Variants in WDPCP observed in about 807,000 individuals in gnomAD.
WDPCP encodes WD repeat containing planar cell polarity effector.
Under a neutral mutation model 93.1 loss-of-function variants are expected in WDPCP, and 71 were observed. The ratio of observed to expected loss-of-function variants is 0.76; its 90% CI spans 0.63 to 0.93. The LOEUF (loss-of-function observed/expected upper bound fraction) is 0.93, where lower values mean the gene tolerates loss of function less well. Among genes scored for constraint, WDPCP ranks in the 40% least tolerant of loss-of-function variants. The pLI is 0.00. For synonymous variants in WDPCP, 315 were observed against 315.0 expected (o/e 1.00, Z 0.00); for missense variants, 844 against 887.4 (o/e 0.95, Z 0.62).
At chr2:63,359,735 A>ACTGG in intron 12 of WDPCP, 1 of 152,336 alleles carries the variant, frequency 6.6e-6, no homozygotes. Flanking sequence ...ATAGCCCCAA[A>ACTGG]CTGGCCACAA....
intron 1 of WDPCP, among the ~76,000 whole-genome samples, chr2:63,501,474 G>A (rs2106010250): frequency 6.6e-6 from 1 of 152,324 alleles, no homozygotes; most frequent in East Asian, 1.9e-4. Context: ...GCTGACAGAG[G>A]AGGATGGCTC....
rs548764937 is a variant in WDPCP at position 63,754,553 on chromosome 2, G to T, written n.308+59069C>A. Among the ~76,000 whole-genome samples the T allele has an allele frequency of 7.2e-5, 11 of 152,188 alleles. No individual in the cohort carries two copies. In the South Asian group the frequency reaches 1.0e-3, roughly 14 times the overall value. On this transcript the variant is annotated intron_variant and non_coding_transcript_variant, in intron 2 of 4. Transcript: ENST00000467687. ...AAGGAAGAAATAGAATACAAAGTTG[G>T]TGTATTTGTTAGGGCTGGCTATATT...
At chr2:63,645,662 T>G (rs1710039133) in intron 3 of WDPCP, among the ~76,000 whole-genome samples, 1 of 152,216 alleles carries the variant, frequency 6.6e-6, no homozygotes, top group South Asian at 2.1e-4. Flanking sequence ...CTAATAATAT[T>G]TGCTTTATAT....
intron 12 of WDPCP, among the ~76,000 whole-genome samples, chr2:63,367,500 C>T (rs559315067): frequency 9.9e-5 from 15 of 152,160 alleles, no homozygotes; most frequent in African/African-American, 3.4e-4. Context: ...ATGTTTTATA[C>T]ACACACAAAT....
intron 1 of WDPCP, among the ~76,000 whole-genome samples, chr2:63,579,387 A>T (rs565169301): frequency 6.6e-6 from 1 of 152,288 alleles, no homozygotes; most frequent in South Asian, 2.1e-4. Context: ...AGGTGGGTGG[A>T]TCACTGGAGG....
chr2:63,821,406 A>T (rs948371270), intron 1 of WDPCP, among the ~76,000 whole-genome samples: 1 of 152,216 alleles, frequency 6.6e-6, no homozygotes, highest in African/African-American at 2.4e-5. Context: ...TAAGATTTAC[A>T]AGTATCACTG....
At chr2:63,697,675 T>A (rs1668978502) in intron 2 of WDPCP, among the ~76,000 whole-genome samples, 1 of 152,142 alleles carries the variant, frequency 6.6e-6, no homozygotes, top group Non-Finnish European at 1.5e-5. Context: ...TGAAACAGAG[T>A]CTCACTCTGT....
intron 2 of WDPCP, among the ~76,000 whole-genome samples, chr2:63,796,944 T>C (rs1282614211): frequency 2.0e-5 from 3 of 152,098 alleles, no homozygotes; most frequent in African/African-American, 7.2e-5. Context: ...GATTCTTTCC[T>C]TCTGCTTGAG....
chr2:63,740,288 A>G (rs542827750), intron 2 of WDPCP, among the ~76,000 whole-genome samples: 1 of 152,234 alleles, frequency 6.6e-6, no homozygotes, highest in Admixed American at 6.5e-5. Flanking sequence ...GATTGTGCCA[A>G]TTTATACTTC....
intron 9 of WDPCP, among the ~76,000 whole-genome samples, chr2:63,412,532 C>G (rs1006697839): frequency 6.6e-6 from 1 of 152,126 alleles, no homozygotes; most frequent in Admixed American, 6.6e-5. Flanking sequence ...CTAGCCAGAG[C>G]AGTCAGACAA....
intron 1 of WDPCP, among the ~76,000 whole-genome samples, chr2:63,522,451 GACAGACACAC>G (rs1371995551): frequency 2.8e-4 from 26 of 92,078 alleles, no homozygotes; most frequent in East Asian, 8.1e-4. Flanking sequence ...CAGACAGACA[GACAGACACAC>G]ACACACACAC....
intron 12 of WDPCP, among the ~76,000 whole-genome samples, chr2:63,359,006 T>A (rs1189484718): frequency 6.6e-6 from 1 of 152,150 alleles, no homozygotes; most frequent in African/African-American, 2.4e-5. Flanking sequence ...CCCTTACTTA[T>A]CCGCTTTCTT....
intron 12 of WDPCP, among the ~76,000 whole-genome samples, chr2:63,362,846 A>C (rs1575230555): frequency 6.6e-6 from 1 of 152,210 alleles, no homozygotes; most frequent in African/African-American, 2.4e-5. Flanking sequence ...AAGTATGATA[A>C]AATGTTTTAT....
chr2:63,761,489 A>G (rs1380777272), intron 2 of WDPCP, among the ~76,000 whole-genome samples: 3 of 152,150 alleles, frequency 2.0e-5, no homozygotes, highest in Admixed American at 6.5e-5. Context: ...TATATAATAT[A>G]TATGAGAGTT....
At chr2:63,152,229 TTA>T (rs943313805) in intron 17 of WDPCP, among the ~76,000 whole-genome samples, 1 of 152,016 alleles carries the variant, frequency 6.6e-6, no homozygotes, top group Non-Finnish European at 1.5e-5. Flanking sequence ...AACTGCTGTA[TTA>T]CCCGCTACCC....
chr2:63,451,019 T>C (rs1395754141), intron 6 of WDPCP, among the ~76,000 whole-genome samples: 2 of 151,722 alleles, frequency 1.3e-5, no homozygotes, highest in African/African-American at 4.8e-5. Flanking sequence ...TTCAAGAATT[T>C]CCAGAAAAAG....
At chr2:63,167,669 C>A (rs974435837) in intron 15 of WDPCP, among the ~76,000 whole-genome samples, 1 of 151,934 alleles carries the variant, frequency 6.6e-6, no homozygotes, top group Non-Finnish European at 1.5e-5. Flanking sequence ...AGTAACATAC[C>A]TTTTTTGTAA....
intron 9 of WDPCP, among the ~76,000 whole-genome samples, chr2:63,421,274 A>G (rs1695837854): frequency 6.6e-6 from 1 of 152,174 alleles, no homozygotes; most frequent in African/African-American, 2.4e-5. Flanking sequence ...AAGTATAAGC[A>G]TTTTCTTATG....
intron 1 of WDPCP, among the ~76,000 whole-genome samples, chr2:63,585,567 A>G (rs1406100494): frequency 2.0e-5 from 3 of 152,152 alleles, no homozygotes; most frequent in Non-Finnish European, 4.4e-5. Context: ...TACTAAATAC[A>G]TGATCCTATG....
Sources: allele counts gnomAD v4.1 joint callset (sites outside exome capture counted in the v4.1 genomes callset), GRCh38; gene constraint gnomAD v4.1.1; transcripts MANE v1.5; gene names NCBI Gene and HGNC (gene_info 2026-07-23, HGNC 2026-07-21).